SLC11A2: variants seen among roughly 807,000 people sequenced by gnomAD.
SLC11A2 encodes solute carrier family 11 member 2, also known as natural resistance-associated macrophage protein 2.
SLC11A2 carries 38 observed loss-of-function variants against 68.0 expected under a neutral mutation model. The ratio of observed to expected loss-of-function variants is 0.56; its 90% CI spans 0.43 to 0.73. The LOEUF (loss-of-function observed/expected upper bound fraction) is 0.73, where lower values mean the gene tolerates loss of function less well. Ranked by LOEUF, SLC11A2 falls within the 30% of genes least tolerant of loss-of-function variation. The pLI is 0.00. For missense variants in SLC11A2, 517 were observed against 690.5 expected, an observed-to-expected ratio of 0.75 and a Z score of 2.82; for synonymous variants, 242 against 250.6, an observed-to-expected ratio of 0.97 and a Z score of 0.32.
rs2136363051 is a variant in SLC11A2, at chr12:51,015,856, T to A, written c.-38-5090A>T. Among the ~76,000 whole-genome samples the A allele has an allele frequency of 1.3e-5, 2 of 152,332 alleles. 1 individual carries two copies. On this transcript the variant is annotated intron_variant, in intron 1 of 15. Coordinates refer to ENST00000262052, the MANE Select transcript of SLC11A2 (RefSeq NM_000617.3). ...GCAATTGACAGAAAAAAAATGGCACTCATGGTTAAATGTAATATGACTATT... is the reference window on the plus strand; with the variant it reads ...GCAATTGACAGAAAAAAAATGGCACACATGGTTAAATGTAATATGACTATT...
intron 2 of SLC11A2, chr12:51,009,272 C>T (rs1592398902): frequency 7.7e-7 from 1 of 1,298,154 alleles, no homozygotes; most frequent in East Asian, 3.0e-5. Context: ...CAGTAAAGTG[C>T]CGCCGGTCAC....
chr12:50,989,247 C>T (rs1455152755), intron 15 of SLC11A2, among the ~76,000 whole-genome samples: 3 of 152,136 alleles, frequency 2.0e-5, no homozygotes, highest in Non-Finnish European at 1.5e-5. Flanking sequence ...CCCAACACTT[C>T]AGGAGGCTGA....
At chr12:51,004,677 T>G in intron 5 of SLC11A2, 111 bp downstream of exon 5, 1 of 1,211,732 alleles carries the variant, frequency 8.3e-7, no homozygotes, top group Non-Finnish European at 1.2e-6. Flanking sequence ...TCAGGGCCAC[T>G]GACCCCCAAG....
intron 1 of SLC11A2, among the ~76,000 whole-genome samples, chr12:51,016,208 C>T (rs1943636994): frequency 6.6e-6 from 1 of 152,142 alleles, no homozygotes; most frequent in Admixed American, 6.5e-5. Flanking sequence ...CAAGACCAGC[C>T]TGGGCAACAT....
In SLC11A2 at chr12:51,026,376, C is replaced by T; in HGVS notation, c.-105G>A. On this transcript the variant is annotated 5_prime_UTR_variant, in exon 1 of 16. Transcript: ENST00000262052. The stretch of plus-strand genomic sequence containing the variant: ...CAGGGCTCCATATTCCGGGAGCCAG[C>T]GCCACGCTGGCTAACGCCCTCCCCT... 1 of 1,280,476 alleles carries T rather than the reference C, an allele frequency of 7.8e-7. No individual in the cohort carries two copies. Among genetic ancestry groups the T allele is most frequent in the Non-Finnish European group, 1.0e-6 (1 of 983,082 alleles). 79.3% of individuals were successfully genotyped at this position (1,280,476 alleles called of 1,614,324 possible). A position where few individuals can be genotyped will look rare whatever the true frequency, so the allele number is the denominator to read the frequency against.
At chr12:50,998,097 G>A (rs1387658696) in intron 8 of SLC11A2, among the ~76,000 whole-genome samples, 3 of 151,898 alleles carry the variant, frequency 2.0e-5, no homozygotes, top group African/African-American at 7.3e-5. Flanking sequence ...GTGGCTCACA[G>A]CTGAAATCCT....
At chr12:51,003,167 G>A (rs959461867) in intron 5 of SLC11A2, among the ~76,000 whole-genome samples, 8 of 151,652 alleles carry the variant, frequency 5.3e-5, no homozygotes, top group Admixed American at 2.0e-4. Context: ...AACTGAAGGC[G>A]GAGGTTGCAG....
chr12:50,960,423 C>G, the SLC11A2 span, among the ~76,000 whole-genome samples: 2 of 152,292 alleles, frequency 1.3e-5, no homozygotes, highest in Middle Eastern at 3.4e-3. Flanking sequence ...AATCATTCCT[C>G]AGGAAATTAC....
intron 1 of SLC11A2, chr12:51,025,938 C>G: frequency 4.0e-6 from 4 of 999,568 alleles, no homozygotes; most frequent in Non-Finnish European, 4.8e-6. Context: ...TGCCCTGTGC[C>G]CGTCGGCCTC....
the SLC11A2 span, among the ~76,000 whole-genome samples, chr12:50,971,189 T>TC: frequency 0.15 from 23,139 of 152,162 alleles, 1,937 homozygotes; most frequent in South Asian, 0.27. Flanking sequence ...CACAGACTTT[T>TC]TATATCCATG....
chr12:50,992,968 A>C, intron 11 of SLC11A2, 39 bp from the exon 12 acceptor site: 1 of 1,613,092 alleles, frequency 6.2e-7, no homozygotes, highest in Non-Finnish European at 8.5e-7. Flanking sequence ...TTGTGGCAAT[A>C]ATCTGCTCAG....
chr12:50,984,555 T>C (rs1940364316), downstream of SLC11A2, among the ~76,000 whole-genome samples: 1 of 152,146 alleles, frequency 6.6e-6, no homozygotes, highest in East Asian at 1.9e-4. Context: ...TCATTGGAGA[T>C]GTTTGTTATA....
chr12:50,977,622 C>T (rs1346316343), downstream of SLC11A2, among the ~76,000 whole-genome samples: 2 of 152,084 alleles, frequency 1.3e-5, no homozygotes, highest in Non-Finnish European at 2.9e-5. Flanking sequence ...AAAGCAATGG[C>T]AACAAAAGCC....
At chr12:51,015,849 AT>A (rs1943605951) in intron 1 of SLC11A2, among the ~76,000 whole-genome samples, 1 of 152,244 alleles carries the variant, frequency 6.6e-6, no homozygotes, top group African/African-American at 2.4e-5. Context: ...CAGAAAAAAA[AT>A]GGCACTCATG....
At chr12:50,960,520 G>A in the SLC11A2 span, among the ~76,000 whole-genome samples, 2 of 152,126 alleles carry the variant, frequency 1.3e-5, no homozygotes, top group Non-Finnish European at 1.5e-5. Context: ...AGAATATTAA[G>A]GGCTCATTTT....
At position 51,008,623 on chromosome 12, in the gene SLC11A2, G is replaced by C; in HGVS notation, c.36C>G (p.Asp12Glu). Residue 12 changes from aspartate to glutamate, a missense_variant and splice_region_variant, in exon 3 of 16, where the codon GAC becomes GAG. By Grantham distance (45) the Asp-to-Glu change is conservative (BLOSUM62 2). Transcript: ENST00000262052. ...VLGPEQKMSD[D>E]SVSGDHGESA... is the part of the protein sequence containing the mutation. Reference sequence around the variant, plus strand: ...ACTCCCCATGATCTCCAGAAACACTGTCTGAATTAACAGATTTGAAAATAA... The same window carrying C: ...ACTCCCCATGATCTCCAGAAACACTCTCTGAATTAACAGATTTGAAAATAA... 1 of 1,610,164 alleles carries C rather than the reference G, an allele frequency of 6.2e-7. No homozygotes were observed. The highest frequency in any genetic ancestry group is 8.5e-7 in the Non-Finnish European group (1 of 1,176,536).
intron 1 of SLC11A2, among the ~76,000 whole-genome samples, chr12:51,012,703 A>AC (rs1415761829): frequency 6.6e-6 from 1 of 152,166 alleles, no homozygotes; most frequent in Non-Finnish European, 1.5e-5. Flanking sequence ...GGGCATATAT[A>AC]CCACCACCTG....
At chr12:51,022,374 C>G (rs984431975) in intron 1 of SLC11A2, among the ~76,000 whole-genome samples, 6 of 148,800 alleles carry the variant, frequency 4.0e-5, no homozygotes, top group African/African-American at 1.5e-4. Context: ...AAGCTTGAGA[C>G]CAGCCTGGGC....
the SLC11A2 span, among the ~76,000 whole-genome samples, chr12:50,962,288 A>G: frequency 0.017 from 2,579 of 151,886 alleles, 35 homozygotes; most frequent in Non-Finnish European, 0.028. Flanking sequence ...ACATGCCTGT[A>G]ATCCCAGCTA....
Sources: allele counts gnomAD v4.1 joint callset (sites outside exome capture counted in the v4.1 genomes callset), GRCh38; gene constraint gnomAD v4.1.1; transcripts MANE v1.5; gene names NCBI Gene and HGNC (gene_info 2026-07-23, HGNC 2026-07-21).